Variants in SHTN1 observed in about 807,000 individuals in gnomAD.
SHTN1 encodes shootin-1.
In SHTN1, 42 loss-of-function variants were observed where a neutral mutation model predicts 83.1. The ratio of observed to expected loss-of-function variants is 0.51; its 90% CI spans 0.39 to 0.65. The LOEUF (loss-of-function observed/expected upper bound fraction) is 0.65. SHTN1 is among the 30% of genes least tolerant of loss of function. The pLI, the probability that SHTN1 is intolerant of heterozygous loss-of-function variation, is 0.00. For missense variants in SHTN1, 622 were observed against 737.8 expected, an observed-to-expected ratio of 0.84 and a Z score of 1.82; for synonymous variants, 224 against 247.7, an observed-to-expected ratio of 0.90 and a Z score of 0.90.
chr10:117,109,552 A>ATTTTTTTT (rs1564962314), intron 1 of SHTN1, among the ~76,000 whole-genome samples: 13 of 16,554 alleles, frequency 7.9e-4, no homozygotes, highest in East Asian at 3.0e-3. Flanking sequence ...AACATATATT[A>ATTTTTTTT]CTTTTTTTTT....
Position 116,911,795 on chromosome 10 carries a change from T to C in SHTN1, c.1354A>G (p.Ile452Val), listed in dbSNP as rs755673116. Reference sequence around the variant, plus strand: ...AAACTGAAATCTATTCTTACCAGTATTCCTTTTAGTTCATCCACTGCACTT... The same window carrying C: ...AAACTGAAATCTATTCTTACCAGTACTCCTTTTAGTTCATCCACTGCACTT... ...CESAVDELKG[I>V]LGTLNKSTSS... Residue 452 changes from isoleucine (I) to valine (V), a missense_variant, in exon 14 of 17, where the codon ATA becomes GTA. Transcript: ENST00000355371. The C allele has an allele frequency of 6.2e-7, 1 of 1,611,348 alleles. No individual in the cohort carries two copies. The highest frequency in any genetic ancestry group is 8.5e-7 in the Non-Finnish European group (1 of 1,177,546).
chr10:116,975,236 T>C (rs1368460214), intron 2 of SHTN1, among the ~76,000 whole-genome samples: 2 of 152,200 alleles, frequency 1.3e-5, no homozygotes, highest in African/African-American at 2.4e-5. Flanking sequence ...TTTTGCTTGA[T>C]AAATGTGATA....
intron 2 of SHTN1, among the ~76,000 whole-genome samples, chr10:116,969,301 C>T (rs571907971): frequency 2.0e-5 from 3 of 152,140 alleles, no homozygotes; most frequent in South Asian, 4.2e-4. Context: ...ATTAGCCAGG[C>T]GTGGTGGTGC....
rs1221389567 is a variant in SHTN1 at position 116,882,012 on chromosome 10, T to G, written c.*4332A>C. ...CATCCTTTACCAATCAGAATATCTC[T>G]GAGAACAAAAACCTAATGACCCTAG... On this transcript the variant is annotated 3_prime_UTR_variant, in exon 17 of 17. Coordinates refer to ENST00000355371, the MANE Select transcript of SHTN1 (RefSeq NM_001127211.3). 1 of 181,698 alleles carries G rather than the reference T, an allele frequency of 5.5e-6. No homozygotes were observed. The highest frequency in any genetic ancestry group is 2.3e-5 in the African/African-American group (1 of 42,740). The allele number at this position is 181,698 out of a possible 1,614,324, so 11.3% of individuals were successfully genotyped here. A position where few individuals can be genotyped will look rare whatever the true frequency, so the allele number is the denominator to read the frequency against.
chr10:117,005,751 GA>G (rs1390649666), upstream of SHTN1, among the ~76,000 whole-genome samples: 8 of 152,248 alleles, frequency 5.3e-5, no homozygotes, highest in Non-Finnish European at 1.2e-4. Flanking sequence ...TGCCGTGAGT[GA>G]AGGAGGGCCC....
At chr10:117,041,196 T>C (rs1406330947) in intron 2 of SHTN1, among the ~76,000 whole-genome samples, 1 of 151,954 alleles carries the variant, frequency 6.6e-6, no homozygotes, top group Non-Finnish European at 1.5e-5. Flanking sequence ...CCTGTTTCTC[T>C]AAGTGATTTC....
chr10:116,907,959 T>C (rs1057173938), intron 14 of SHTN1: 1 of 505,944 alleles, frequency 2.0e-6, no homozygotes, highest in African/African-American at 1.9e-5. Context: ...AAAATGGTTG[T>C]TTTAGCCATT....
chr10:117,083,744 C>T (rs1317987306), intron 1 of SHTN1, among the ~76,000 whole-genome samples: 2 of 152,152 alleles, frequency 1.3e-5, no homozygotes, highest in Non-Finnish European at 2.9e-5. Flanking sequence ...TCTTTTTATT[C>T]TTTTTTCTCT....
At chr10:116,970,172 T>C (rs898863843) in intron 2 of SHTN1, among the ~76,000 whole-genome samples, 1 of 152,166 alleles carries the variant, frequency 6.6e-6, no homozygotes, top group African/African-American at 2.4e-5. Context: ...GGAAATCTCA[T>C]AGACCACTGA....
intron 1 of SHTN1, among the ~76,000 whole-genome samples, chr10:116,991,096 G>C (rs1851415556): frequency 6.6e-6 from 1 of 152,088 alleles, no homozygotes; most frequent in East Asian, 1.9e-4. Context: ...TGAGGCAGGA[G>C]AATCGCTTGA....
chr10:116,980,243 C>T (rs1243690390), intron 1 of SHTN1, among the ~76,000 whole-genome samples: 1 of 152,178 alleles, frequency 6.6e-6, no homozygotes, highest in Non-Finnish European at 1.5e-5. Flanking sequence ...CTGCTGCTCA[C>T]CCCAGGGCTG....
intron 7 of SHTN1, among the ~76,000 whole-genome samples, 184 bp downstream of exon 7, chr10:116,948,732 T>C (rs1589833638): frequency 6.6e-6 from 1 of 152,048 alleles, no homozygotes; most frequent in Non-Finnish European, 1.5e-5. Flanking sequence ...CTTTTAGATG[T>C]CCCCAGACTC....
chr10:117,084,808 G>A (rs1045866970), intron 1 of SHTN1, among the ~76,000 whole-genome samples: 1 of 152,200 alleles, frequency 6.6e-6, no homozygotes, highest in Admixed American at 6.5e-5. Context: ...TCCAGGTGCC[G>A]TCCGTCACCC....
intron 1 of SHTN1, among the ~76,000 whole-genome samples, chr10:116,986,764 C>T (rs1029574255): frequency 3.6e-5 from 5 of 139,976 alleles, no homozygotes; most frequent in African/African-American, 1.3e-4. Context: ...CGCTCTGTCA[C>T]CCAGGCTGGA....
At chr10:116,913,284 G>A (rs1251699597) in intron 13 of SHTN1, among the ~76,000 whole-genome samples, 1 of 152,182 alleles carries the variant, frequency 6.6e-6, no homozygotes, top group Non-Finnish European at 1.5e-5. Flanking sequence ...CGCCATTTGT[G>A]ACATTTCAGG....
chr10:116,956,720 GCC>G, intron 4 of SHTN1, among the ~76,000 whole-genome samples: 1 of 152,066 alleles, frequency 6.6e-6, no homozygotes, highest in Admixed American at 6.5e-5. Flanking sequence ...TAACAGTTCT[GCC>G]CTCAAAAGGG....
At chr10:117,108,028 G>A (rs780842304) in intron 1 of SHTN1, among the ~76,000 whole-genome samples, 28 of 152,032 alleles carry the variant, frequency 1.8e-4, no homozygotes, top group Admixed American at 1.3e-4. Context: ...ATCTTGAGCC[G>A]CCCAATGTTT....
Position 116,988,709 on chromosome 10 carries a change from T to C in SHTN1, c.59-9401A>G, listed in dbSNP as rs1262016248. The stretch of plus-strand genomic sequence containing the variant: ...TGCATACCCTGCCCAGCTGATCTTT[T>C]ATTTTTATTTTTTGTAGGGAGGGGT... On this transcript the variant is annotated intron_variant, in intron 1 of 16. Transcript: ENST00000355371. Among the ~76,000 whole-genome samples, 3 of 151,982 alleles carry C rather than the reference T, an allele frequency of 2.0e-5. No individual in the cohort carries two copies. In the East Asian group the frequency reaches 5.8e-4, roughly 29 times the overall value.
At chr10:117,120,248 A>ATTTT (rs60258460) in intron 1 of SHTN1, among the ~76,000 whole-genome samples, 2 of 140,006 alleles carry the variant, frequency 1.4e-5, no homozygotes, top group Non-Finnish European at 3.1e-5. Context: ...CCATGATGTG[A>ATTTT]TTTTTTTTTT....
Sources: gnomAD v4.1 joint callset for allele counts (sites outside exome capture counted in the v4.1 genomes callset) on GRCh38, gnomAD v4.1.1 for gene constraint, MANE v1.5 for transcripts, NCBI Gene and HGNC (gene_info 2026-07-23, HGNC 2026-07-21) for gene names.